The following PRELID3A variants were observed in gnomAD, a reference collection of about 807,000 sequenced individuals.
The protein encoded by PRELID3A is PRELI domain containing 3A.
PRELID3A carries 27 observed loss-of-function variants against 23.0 expected under a neutral mutation model. That is an observed-to-expected ratio of 1.17 (90% CI 0.87 to 1.62). The LOEUF is 1.62. Ranked by LOEUF, PRELID3A falls within the 40% of genes most tolerant of loss-of-function variation. The pLI is 0.00. For synonymous variants in PRELID3A, 87 were observed against 86.4 expected, an observed-to-expected ratio of 1.01 and a Z score of -0.04; for missense variants, 231 against 231.4, an observed-to-expected ratio of 1.00 and a Z score of 0.01.
At chr18:12,413,965 T>C (rs2029878091) in intron 1 of PRELID3A, among the ~76,000 whole-genome samples, 1 of 152,224 alleles carries the variant, frequency 6.6e-6, no homozygotes, top group African/African-American at 2.4e-5. Flanking sequence ...GCTTACTTTG[T>C]TAATTTTCAA....
chr18:12,431,742 G>A lies in PRELID3A; in HGVS notation c.*626G>A, dbSNP rs1455308446. 3 of 152,296 alleles carry A rather than the reference G, an allele frequency of 2.0e-5. No homozygotes were observed. Among genetic ancestry groups the A allele is most frequent in the Non-Finnish European group, 4.4e-5 (3 of 68,156 alleles). 9.4% of individuals were successfully genotyped at this position (152,296 alleles called of 1,614,324 possible). On this transcript the variant is annotated 3_prime_UTR_variant, in exon 7 of 7. Transcript: ENST00000440960. ...AGCCTCTCCTGACGAGGCTCCTCAT[G>A]CGGGGAGAGGGCTGGGGTCCAGGGG...
In PRELID3A at chr18:12,420,297, C is replaced by T. The variant is rs760799737; in HGVS notation, c.33-28C>T. 10 of 1,573,052 alleles carry T rather than the reference C, an allele frequency of 6.4e-6. No individual in the cohort carries two copies. The South Asian group carries it at 1.2e-4, about 18-fold the overall frequency. ...CTTGCGGCCCCGGCCCCGGCGCTTG[C>T]TCACCGCCGCCTATGCTCTCCCCGC... On this transcript the variant is annotated intron_variant, in intron 1 of 6. Transcript: ENST00000440960.
Position 12,421,580 on chromosome 18 carries a change from A to G in PRELID3A, c.242A>G (p.His81Arg). ...AGGACATTGACATACATCCGAGAAC[A>G]TTCTGTGGTGGATCCAGTGGAAAAG... Reference protein sequence around the residue: ...TSRTLTYIREHSVVDPVEKKM... With the variant: ...TSRTLTYIRERSVVDPVEKKM... The change falls in exon 3 of 7, where the codon CAT (histidine) becomes CGT (arginine). Residue 81 changes from histidine (H) to arginine (R), a missense_variant. By Grantham distance (29) the His-to-Arg change is conservative. Transcript: ENST00000440960. 1 of 1,613,984 alleles carries G rather than the reference A, an allele frequency of 6.2e-7. No individual in the cohort carries two copies. The highest frequency in any genetic ancestry group is 8.5e-7 in the Non-Finnish European group (1 of 1,179,880).
intron 1 of PRELID3A, 23 bp downstream of exon 1, chr18:12,408,030 G>C (rs780553463): frequency 3.2e-6 from 4 of 1,257,532 alleles, no homozygotes; most frequent in Non-Finnish European, 2.0e-6. Context: ...TGAGGGCCGC[G>C]GTGGGGCCGT....
At chr18:12,425,734 G>GT (rs1330924787) in intron 3 of PRELID3A, among the ~76,000 whole-genome samples, 1 of 151,942 alleles carries the variant, frequency 6.6e-6, no homozygotes, top group Admixed American at 6.6e-5. Context: ...GAGCTCAGGA[G>GT]TTTGAGACCA....
chr18:12,416,836 G>A (rs571864001), intron 1 of PRELID3A, among the ~76,000 whole-genome samples: 6 of 151,798 alleles, frequency 4.0e-5, no homozygotes, highest in East Asian at 3.9e-4. Context: ...TAGTAGAGTC[G>A]GGGTTTCACC....
intron 1 of PRELID3A, among the ~76,000 whole-genome samples, chr18:12,417,249 C>T (rs927823634): frequency 1.3e-5 from 2 of 152,130 alleles, no homozygotes; most frequent in Non-Finnish European, 2.9e-5. Flanking sequence ...TCTCGGCTCA[C>T]TGCAACTTCC....
At chr18:12,411,465 CAAA>C (rs398059054) in intron 1 of PRELID3A, among the ~76,000 whole-genome samples, 3 of 89,654 alleles carry the variant, frequency 3.3e-5, no homozygotes, top group Non-Finnish European at 2.1e-5. Flanking sequence ...GACTCCGTCT[CAAA>C]AAAAAAAAAA....
chr18:12,415,076 G>T (rs1039262653), intron 1 of PRELID3A, among the ~76,000 whole-genome samples: 2 of 151,762 alleles, frequency 1.3e-5, no homozygotes, highest in African/African-American at 4.8e-5. Context: ...CTATGGTTGC[G>T]AGCTACCACA....
intron 5 of PRELID3A, among the ~76,000 whole-genome samples, chr18:12,428,164 G>A (rs2030439209): frequency 6.6e-6 from 1 of 152,182 alleles, no homozygotes; most frequent in Non-Finnish European, 1.5e-5. Context: ...GAGGTGAGAG[G>A]AGAAAGGATA....
At chr18:12,421,881 C>T (rs1274056204) in intron 3 of PRELID3A, among the ~76,000 whole-genome samples, 1 of 152,098 alleles carries the variant, frequency 6.6e-6, no homozygotes, top group East Asian at 1.9e-4. Flanking sequence ...AGAATTTGAC[C>T]AGCCCCTGAG....
chr18:12,426,139 T>TCAC (rs2030354735), intron 3 of PRELID3A, among the ~76,000 whole-genome samples: 4 of 151,256 alleles, frequency 2.6e-5, no homozygotes, highest in African/African-American at 9.8e-5. Context: ...CTCCGGAGGC[T>TCAC]GAGGCAGGGG....
intron 3 of PRELID3A, among the ~76,000 whole-genome samples, chr18:12,426,367 A>T (rs1039013186): frequency 6.6e-6 from 1 of 150,704 alleles, no homozygotes; most frequent in African/African-American, 2.4e-5. Flanking sequence ...ATCCTGGCTA[A>T]CACGGTGAAA....
chr18:12,413,987 C>T (rs143617188), intron 1 of PRELID3A, among the ~76,000 whole-genome samples: 14 of 152,300 alleles, frequency 9.2e-5, no homozygotes, highest in African/African-American at 3.4e-4. Context: ...AAATCATCTG[C>T]CAGATCCCCA....
intron 1 of PRELID3A, among the ~76,000 whole-genome samples, chr18:12,411,301 TAAAAAAA>T (rs775153295): frequency 7.6e-6 from 1 of 132,264 alleles, no homozygotes; most frequent in African/African-American, 2.8e-5. Context: ...TACTAAAAAA[TAAAAAAA>T]AAAAAAAATT....
Position 12,426,377 on chromosome 18 carries a change from A to T in PRELID3A, c.292-664A>T, listed in dbSNP as rs1412001831. On this transcript the variant is annotated intron_variant, in intron 3 of 6. Coordinates refer to ENST00000440960, the MANE Select transcript of PRELID3A (RefSeq NM_001142405.2). ...AGACCATCCTGGCTAACACGGTGAA[A>T]CTCCGTCTCTACTAAAAATACAAAA... Among the ~76,000 whole-genome samples the T allele has an allele frequency of 2.7e-5, 4 of 148,446 alleles. No homozygotes were observed. The Admixed American group carries it at 2.7e-4, about 10-fold the overall frequency.
chr18:12,420,560 C>T (rs1452102264), intron 2 of PRELID3A, 67 bp downstream of exon 2: 1 of 1,413,696 alleles, frequency 7.1e-7, no homozygotes, highest in African/African-American at 1.5e-5. Flanking sequence ...CGCCCTCTCC[C>T]GCGTCCCTCC....
intron 1 of PRELID3A, among the ~76,000 whole-genome samples, chr18:12,419,588 C>T (rs1053338345): frequency 6.6e-6 from 1 of 151,238 alleles, no homozygotes; most frequent in Non-Finnish European, 1.5e-5. Context: ...GAGATCGTGC[C>T]ACGGCACTCC....
intron 3 of PRELID3A, among the ~76,000 whole-genome samples, chr18:12,426,694 C>G (rs1345897814): frequency 6.6e-6 from 1 of 152,122 alleles, no homozygotes; most frequent in Admixed American, 6.6e-5. Context: ...GCTCTGTGGG[C>G]TGCCATGGGT....
Sources: gnomAD v4.1 joint callset for allele counts (sites outside exome capture counted in the v4.1 genomes callset) on GRCh38, gnomAD v4.1.1 for gene constraint, MANE v1.5 for transcripts, NCBI Gene and HGNC (gene_info 2026-07-23, HGNC 2026-07-21) for gene names.